Variants in TRDN observed in about 807,000 individuals in gnomAD.
The protein encoded by TRDN is triadin in skeletal muscle.
A neutral mutation model predicts 149.7 loss-of-function variants in TRDN; 161 were observed. That is an observed-to-expected ratio of 1.08 (90% CI 0.95 to 1.23). TRDN has a LOEUF of 1.23. Among genes scored for constraint, TRDN ranks in the 50% most tolerant of loss-of-function variants. TRDN has a pLI of 0.00. For missense variants in TRDN, 896 were observed against 823.5 expected, an observed-to-expected ratio of 1.09 and a Z score of -1.08; for synonymous variants, 294 against 250.5, an observed-to-expected ratio of 1.17 and a Z score of -1.64.
At chr6:123,503,680 T>C (rs759733640) in intron 8 of TRDN, 39 bp downstream of exon 8, 5 of 1,612,124 alleles carry the variant, frequency 3.1e-6, no homozygotes, top group Middle Eastern at 1.7e-4. Context: ...CCCAATATTC[T>C]CTTAGAACCT....
chr6:123,385,155 C>T (rs886189514), intron 14 of TRDN, among the ~76,000 whole-genome samples: 2 of 152,050 alleles, frequency 1.3e-5, no homozygotes, highest in African/African-American at 2.4e-5. Context: ...CAGCTGGGCG[C>T]GGTGGCTCAT....
chr6:123,297,035 GTGTT>G (rs1166844816), intron 24 of TRDN, among the ~76,000 whole-genome samples: 2 of 152,098 alleles, frequency 1.3e-5, no homozygotes, highest in Non-Finnish European at 2.9e-5. Context: ...AGATAAGAGA[GTGTT>G]TGGAAAGTCC....
intron 10 of TRDN, among the ~76,000 whole-genome samples, chr6:123,443,125 T>C (rs951298899): frequency 1.3e-5 from 2 of 151,930 alleles, no homozygotes; most frequent in Non-Finnish European, 2.9e-5. Flanking sequence ...CAAATATCGA[T>C]GGCATGTTGT....
chr6:123,322,281 T>C (rs190847730), intron 23 of TRDN, among the ~76,000 whole-genome samples: 60 of 152,274 alleles, frequency 3.9e-4, no homozygotes, highest in African/African-American at 1.3e-3. Flanking sequence ...GCCACTGCAG[T>C]TGAAGAAAAA....
intron 2 of TRDN, among the ~76,000 whole-genome samples, chr6:123,551,655 T>C (rs1183342972): frequency 6.6e-6 from 1 of 152,044 alleles, no homozygotes; most frequent in Non-Finnish European, 1.5e-5. Flanking sequence ...TTCTTCTCAA[T>C]AACCCAATGA....
intron 38 of TRDN, among the ~76,000 whole-genome samples, chr6:123,248,010 A>T (rs1289349552): frequency 1.3e-5 from 2 of 152,106 alleles, no homozygotes; most frequent in African/African-American, 2.4e-5. Flanking sequence ...AGGATTCTCT[A>T]TTTAATAAAT....
chr6:123,310,457 A>G (rs1454758383), intron 24 of TRDN, among the ~76,000 whole-genome samples: 1 of 152,062 alleles, frequency 6.6e-6, no homozygotes, highest in African/African-American at 2.4e-5. Flanking sequence ...TACTTATTGC[A>G]AAATACTTTT....
At chr6:123,601,926 CATT>C (rs1464377101) in intron 1 of TRDN, among the ~76,000 whole-genome samples, 2 of 152,056 alleles carry the variant, frequency 1.3e-5, no homozygotes, top group Non-Finnish European at 2.9e-5. Context: ...GGCTCAGAAA[CATT>C]ATGTGATAAG....
chr6:123,443,625 G>T (rs12213616), intron 10 of TRDN, among the ~76,000 whole-genome samples: 22,597 of 151,708 alleles, frequency 0.15, 2,364 homozygotes, highest in African/African-American at 0.3. Flanking sequence ...ATCCCGTCAC[G>T]ACTAAAAATA....
intron 21 of TRDN, among the ~76,000 whole-genome samples, chr6:123,340,727 G>T (rs1037377637): frequency 4.0e-5 from 6 of 151,792 alleles, no homozygotes; most frequent in Non-Finnish European, 8.8e-5. Context: ...AAACTTTTTG[G>T]ACTTTTCTTC....
At chr6:123,472,207 C>A (rs1777194305) in intron 9 of TRDN, among the ~76,000 whole-genome samples, 1 of 152,144 alleles carries the variant, frequency 6.6e-6, no homozygotes, top group African/African-American at 2.4e-5. Flanking sequence ...ACAGTGGGCG[C>A]AGGTCAGTGG....
intron 38 of TRDN, among the ~76,000 whole-genome samples, chr6:123,248,327 C>T (rs140659015): frequency 6.6e-5 from 10 of 152,132 alleles, no homozygotes; most frequent in South Asian, 2.1e-4. Flanking sequence ...GAGGCTGAGG[C>T]GTGTGGATCA....
At chr6:123,253,107 C>T (rs1228491670) in intron 37 of TRDN, among the ~76,000 whole-genome samples, 1 of 151,830 alleles carries the variant, frequency 6.6e-6, no homozygotes, top group Non-Finnish European at 1.5e-5. Context: ...AAACAACATG[C>T]AAAGTAAGTT....
intron 1 of TRDN, among the ~76,000 whole-genome samples, chr6:123,620,606 C>A (rs1785333498): frequency 6.6e-6 from 1 of 151,956 alleles, no homozygotes. Context: ...TCTTTTAATC[C>A]TTCTTTTCTC....
chr6:123,439,766 G>T (rs2114598872), intron 10 of TRDN: 1 of 152,300 alleles, frequency 6.6e-6, no homozygotes, highest in East Asian at 1.9e-4. Context: ...GACATCCCTG[G>T]ACACTTTTCT....
intron 5 of TRDN, among the ~76,000 whole-genome samples, chr6:123,529,805 A>G (rs1780141925): frequency 6.6e-6 from 1 of 152,000 alleles, no homozygotes; most frequent in Admixed American, 6.6e-5. Context: ...GACCATTGGG[A>G]AAACCTGGGC....
At chr6:123,503,610 C>T (rs778187420) in intron 8 of TRDN, 109 bp downstream of exon 8, 7 of 1,531,888 alleles carry the variant, frequency 4.6e-6, no homozygotes, top group Non-Finnish European at 6.1e-6. Context: ...GTCTTTTACC[C>T]CCATTTGAAG....
At chr6:123,308,456 T>G (rs1778696090) in intron 24 of TRDN, among the ~76,000 whole-genome samples, 1 of 151,938 alleles carries the variant, frequency 6.6e-6, no homozygotes, top group Non-Finnish European at 1.5e-5. Flanking sequence ...TTCCACAGTG[T>G]CTGAGCTAAT....
At chr6:123,508,546 C>T (rs998809252) in intron 7 of TRDN, among the ~76,000 whole-genome samples, 4 of 152,156 alleles carry the variant, frequency 2.6e-5, no homozygotes, top group Non-Finnish European at 5.9e-5. Context: ...CTTGGCTCAC[C>T]TCACTCAACT....
Sources: gnomAD v4.1 joint callset for allele counts (sites outside exome capture counted in the v4.1 genomes callset) on GRCh38, gnomAD v4.1.1 for gene constraint, MANE v1.5 for transcripts, NCBI Gene and HGNC (gene_info 2026-07-23, HGNC 2026-07-21) for gene names.